The following R3HDM2 variants were observed in gnomAD, a reference collection of about 807,000 sequenced individuals.
R3HDM2 encodes R3H domain containing 2, also known as R3H domain-containing protein 2.
Under a neutral mutation model 124.5 loss-of-function variants are expected in R3HDM2, and 38 were observed. The observed-to-expected ratio is 0.31, with a 90% confidence interval of 0.24 to 0.40. R3HDM2 has a LOEUF of 0.40. Among genes scored for constraint, R3HDM2 ranks in the 10% least tolerant of loss-of-function variants. The pLI is 1.00. For synonymous variants in R3HDM2, 391 were observed against 448.0 expected (o/e 0.87, Z 1.61); for missense variants, 869 against 1,236.9 (o/e 0.70, Z 4.46).
chr12:57,258,190 T>C, intron 20 of R3HDM2, 53 bp from the exon 21 acceptor site: 2 of 1,386,772 alleles, frequency 1.4e-6, no homozygotes, highest in Non-Finnish European at 1.9e-6. Context: ...ACCCTCTGGA[T>C]ATTCCTATGG....
chr12:57,258,868 C>G (rs575176319), intron 20 of R3HDM2, 22 bp downstream of exon 20: 20 of 1,489,098 alleles, frequency 1.3e-5, no homozygotes, highest in Middle Eastern at 2.5e-4. Flanking sequence ...CTTGCCAAGA[C>G]AAGGCTGAGT....
intron 1 of R3HDM2, among the ~76,000 whole-genome samples, chr12:57,400,704 C>T (rs999231502): frequency 3.9e-5 from 6 of 152,054 alleles, no homozygotes; most frequent in Admixed American, 3.9e-4. Flanking sequence ...CTAGCAACAA[C>T]AAAATACATA....
In R3HDM2 at chr12:57,254,774, T is replaced by G; in HGVS notation, c.2972A>C (p.Ter991SerextTer91). Reference sequence around the variant, plus strand: ...GACAGTCCCTTTCCCCTCCTCCATTTATTGGGAGCTGGCTCGCTCCAGGAT... The same window carrying G: ...GACAGTCCCTTTCCCCTCCTCCATTGATTGGGAGCTGGCTCGCTCCAGGAT... Reference protein sequence around the residue: ...LRILERASSQ* With the variant: ...LRILERASSQS The change falls in exon 24 of 24, where the codon TAA (stop) becomes TCA (serine). Residue 991 changes from the stop codon to serine, a stop_lost. Transcript: ENST00000402412. The G allele has an allele frequency of 6.5e-7, 1 of 1,531,858 alleles. No individual in the cohort carries two copies. Among genetic ancestry groups the G allele is most frequent in the Non-Finnish European group, 8.9e-7 (1 of 1,122,378 alleles). 94.9% of individuals were successfully genotyped at this position (1,531,858 alleles called of 1,614,324 possible).
intron 9 of R3HDM2, chr12:57,295,729 G>T: frequency 2.0e-6 from 1 of 494,254 alleles, no homozygotes; most frequent in Non-Finnish European, 3.6e-6. Flanking sequence ...TGTCCTATCA[G>T]TGAAGTGAAG....
intron 2 of R3HDM2, among the ~76,000 whole-genome samples, chr12:57,363,040 C>G (rs2062136914): frequency 6.6e-6 from 1 of 152,124 alleles, no homozygotes; most frequent in South Asian, 2.1e-4. Context: ...CCAGGCTGGT[C>G]TCAAACTCCT....
At chr12:57,332,786 C>T (rs914273825) in intron 2 of R3HDM2, among the ~76,000 whole-genome samples, 6 of 152,192 alleles carry the variant, frequency 3.9e-5, no homozygotes, top group Non-Finnish European at 7.3e-5. Flanking sequence ...CTTTTTGTCC[C>T]TCTTTGCTTA....
chr12:57,413,383 C>T (rs1229829870), intron 1 of R3HDM2, among the ~76,000 whole-genome samples: 8 of 147,994 alleles, frequency 5.4e-5, no homozygotes, highest in African/African-American at 2.0e-4. Flanking sequence ...CGCTTGAGCC[C>T]ATGAGTTCAA....
intron 2 of R3HDM2, among the ~76,000 whole-genome samples, chr12:57,389,723 C>T (rs968263317): frequency 6.6e-6 from 1 of 152,052 alleles, no homozygotes; most frequent in African/African-American, 2.4e-5. Flanking sequence ...ATAAACATGA[C>T]CATATTTTTT....
chr12:57,375,620 C>T lies in R3HDM2; in HGVS notation c.-36+20129G>A, dbSNP rs888399966. On this transcript the variant is annotated intron_variant, in intron 2 of 23. Coordinates refer to ENST00000402412, the MANE Select transcript of R3HDM2 (RefSeq NM_001394031.1). ...ACTGTATTTTCAAAGGAGAAACAGGCTGGTTCTTTCAAAATATGGTCCATT... is the reference window on the plus strand; with the variant it reads ...ACTGTATTTTCAAAGGAGAAACAGGTTGGTTCTTTCAAAATATGGTCCATT... 1.7e-4 allele frequency among the ~76,000 whole-genome samples: 26 copies of T among 151,296 alleles called. 1 individual carries two copies. Among genetic ancestry groups the T allele is most frequent in the Admixed American group, 1.5e-3 (23 of 15,178 alleles).
intron 2 of R3HDM2, among the ~76,000 whole-genome samples, chr12:57,360,023 ACACACATATATATATATATATATATT>A (rs1034477489): frequency 5.9e-5 from 2 of 34,122 alleles, no homozygotes; most frequent in African/African-American, 1.2e-4. Context: ...ATATATATAT[ACACACATATATATATATATATATATT>A]TTTTTTTTTT....
intron 3 of R3HDM2, among the ~76,000 whole-genome samples, chr12:57,306,966 G>T (rs1374069597): frequency 6.6e-6 from 1 of 152,152 alleles, no homozygotes; most frequent in Admixed American, 6.5e-5. Flanking sequence ...AGTGAGCCAA[G>T]ATTGCGCCAC....
chr12:57,377,721 T>A (rs1295193313), intron 2 of R3HDM2, among the ~76,000 whole-genome samples: 3 of 152,180 alleles, frequency 2.0e-5, no homozygotes, highest in Non-Finnish European at 4.4e-5. Context: ...CCCTATCACA[T>A]ACCAGGCTTT....
intron 1 of R3HDM2, among the ~76,000 whole-genome samples, chr12:57,396,692 T>C (rs2067558370): frequency 6.6e-6 from 1 of 151,116 alleles, no homozygotes. Flanking sequence ...GCCAGAGAAT[T>C]GCTTGAACCC....
intron 2 of R3HDM2, among the ~76,000 whole-genome samples, chr12:57,327,801 A>G (rs1345484581): frequency 6.6e-6 from 1 of 152,206 alleles, no homozygotes; most frequent in Non-Finnish European, 1.5e-5. Flanking sequence ...TAAAACTTCA[A>G]TGGATGAGGG....
chr12:57,349,841 T>A (rs998291684), intron 2 of R3HDM2, among the ~76,000 whole-genome samples: 1 of 145,636 alleles, frequency 6.9e-6, no homozygotes, highest in Non-Finnish European at 1.5e-5. Flanking sequence ...ATTACAGGCG[T>A]GAGCCACAGC....
chr12:57,266,897 G>T, intron 18 of R3HDM2, 66 bp from the exon 19 acceptor site: 1 of 1,175,382 alleles, frequency 8.5e-7, no homozygotes, highest in Non-Finnish European at 1.2e-6. Context: ...CTGGCAAACA[G>T]CTGCTGCTTC....
In R3HDM2 at chr12:57,254,828, C is replaced by T. The variant is rs765865130; in HGVS notation, c.2918G>A (p.Arg973Gln). The stretch of plus-strand genomic sequence containing the variant: ...CAGGTCATAGTTCTTTTTGGCCATT[C>T]GAAGTTTGAAGCGACTCACGGAGTT... Reference protein sequence around the residue: ...LNNSVSRFKLRMAKKNYDLRI... With the variant: ...LNNSVSRFKLQMAKKNYDLRI... The change falls in exon 24 of 24, where the codon CGA (arginine) becomes CAA (glutamine). Residue 973 changes from arginine (R) to glutamine (Q), a missense_variant. Transcript: ENST00000402412. 26 of 1,609,548 alleles carry T rather than the reference C, an allele frequency of 1.6e-5. No homozygotes were observed. The highest frequency in any genetic ancestry group is 4.5e-5 in the East Asian group (2 of 44,856).
chr12:57,282,601 A>C (rs1300005606), intron 13 of R3HDM2, among the ~76,000 whole-genome samples: 3 of 152,080 alleles, frequency 2.0e-5, no homozygotes. Flanking sequence ...TCAAGGCTGC[A>C]GTAAGCTGTG....
chr12:57,269,289 T>A (rs751645755), intron 16 of R3HDM2, 34 bp downstream of exon 16: 1 of 1,610,982 alleles, frequency 6.2e-7, no homozygotes. Flanking sequence ...CCTTCCCTTA[T>A]TCACTGCCTT....
Sources: gnomAD v4.1 joint callset for allele counts (sites outside exome capture counted in the v4.1 genomes callset) on GRCh38, gnomAD v4.1.1 for gene constraint, MANE v1.5 for transcripts, NCBI Gene and HGNC (gene_info 2026-07-23, HGNC 2026-07-21) for gene names.